The following UNC5D variants were observed in gnomAD, a reference collection of about 807,000 sequenced individuals.
The protein encoded by UNC5D is unc-5 netrin receptor D, also known as netrin receptor UNC5D.
Under a neutral mutation model 105.4 loss-of-function variants are expected in UNC5D, and 39 were observed. The ratio of observed to expected loss-of-function variants is 0.37; its 90% CI spans 0.29 to 0.48. The LOEUF (loss-of-function observed/expected upper bound fraction) is 0.48, where lower values mean the gene tolerates loss of function less well. UNC5D is among the 20% of genes least tolerant of loss of function. The pLI, the probability that UNC5D is intolerant of heterozygous loss-of-function variation, is 0.98. For synonymous variants in UNC5D, 452 were observed against 450.4 expected, an observed-to-expected ratio of 1.00 and a Z score of -0.04; for missense variants, 991 against 1,202.4, an observed-to-expected ratio of 0.82 and a Z score of 2.60.
At chr8:35,397,311 A>C (rs1406681888) in intron 1 of UNC5D, among the ~76,000 whole-genome samples, 1 of 152,198 alleles carries the variant, frequency 6.6e-6, no homozygotes, top group African/African-American at 2.4e-5. Context: ...CACAAGCTGT[A>C]GTGTTTGTAC....
At chr8:35,275,877 C>T (rs561270256) in intron 1 of UNC5D, among the ~76,000 whole-genome samples, 2 of 152,234 alleles carry the variant, frequency 1.3e-5, no homozygotes, top group African/African-American at 4.8e-5. Flanking sequence ...TTTCTCATCA[C>T]ACCAAGACCT....
chr8:35,600,627 C>T (rs1423458614), intron 4 of UNC5D, among the ~76,000 whole-genome samples: 1 of 152,150 alleles, frequency 6.6e-6, no homozygotes, highest in Non-Finnish European at 1.5e-5. Flanking sequence ...ATATCCTTCG[C>T]CCACTTTTTG....
intron 3 of UNC5D, among the ~76,000 whole-genome samples, chr8:35,574,634 T>C (rs1817968727): frequency 6.6e-6 from 1 of 152,182 alleles, no homozygotes; most frequent in Admixed American, 6.5e-5. Flanking sequence ...CTTCATGGCT[T>C]TGACAAATAA....
chr8:35,774,823 A>C (rs1415501686), intron 16 of UNC5D, among the ~76,000 whole-genome samples: 1 of 151,064 alleles, frequency 6.6e-6, no homozygotes, highest in Non-Finnish European at 1.5e-5. Flanking sequence ...GCTGCCTGGG[A>C]GGCTGATGTG....
intron 11 of UNC5D, among the ~76,000 whole-genome samples, chr8:35,731,301 T>C (rs1829178649): frequency 6.9e-6 from 1 of 144,286 alleles, no homozygotes; most frequent in Non-Finnish European, 1.5e-5. Context: ...CTCAGGAGGC[T>C]GAGGCTGGAG....
chr8:35,717,723 A>G (rs966679809), intron 8 of UNC5D, among the ~76,000 whole-genome samples: 2 of 152,222 alleles, frequency 1.3e-5, no homozygotes, highest in Admixed American at 1.3e-4. Context: ...CCCAACTGCT[A>G]TAATAAAAGG....
chr8:35,571,036 GAGAA>G (rs1265791169), intron 3 of UNC5D, among the ~76,000 whole-genome samples: 1 of 151,974 alleles, frequency 6.6e-6, no homozygotes, highest in Non-Finnish European at 1.5e-5. Flanking sequence ...CATAGAGAGA[GAGAA>G]ATGGGGTTTG....
At chr8:35,459,170 A>G (rs752417712) in intron 1 of UNC5D, among the ~76,000 whole-genome samples, 3 of 152,108 alleles carry the variant, frequency 2.0e-5, no homozygotes, top group Non-Finnish European at 2.9e-5. Flanking sequence ...TGGACAGGCT[A>G]ATTGATCTGA....
At chr8:35,470,807 T>TAAATAAAAA (rs1554538819) in intron 1 of UNC5D, among the ~76,000 whole-genome samples, 36 of 130,506 alleles carry the variant, frequency 2.8e-4, no homozygotes, top group African/African-American at 9.2e-4. Flanking sequence ...AATAAATAAA[T>TAAATAAAAA]AAATAAAATA....
intron 8 of UNC5D, among the ~76,000 whole-genome samples, chr8:35,718,742 T>C (rs1828400327): frequency 6.6e-6 from 1 of 152,112 alleles, no homozygotes; most frequent in Non-Finnish European, 1.5e-5. Flanking sequence ...AGGATCACCT[T>C]CATGGGAGAG....
At chr8:35,259,760 T>C (rs1191540567) in intron 1 of UNC5D, among the ~76,000 whole-genome samples, 1 of 151,916 alleles carries the variant, frequency 6.6e-6, no homozygotes. Flanking sequence ...TTTTTTTTTT[T>C]TTAAATGCTG....
At chr8:35,581,831 TA>T (rs1243001257) in intron 3 of UNC5D, among the ~76,000 whole-genome samples, 4 of 152,092 alleles carry the variant, frequency 2.6e-5, no homozygotes, top group Admixed American at 6.6e-5. Context: ...CCTGATTCAG[TA>T]AAGGGACCAC....
intron 4 of UNC5D, among the ~76,000 whole-genome samples, chr8:35,601,608 A>G (rs956124669): frequency 1.3e-5 from 2 of 151,944 alleles, no homozygotes; most frequent in Non-Finnish European, 2.9e-5. Flanking sequence ...TTTGTCTGTT[A>G]TTGGTGTATA....
At chr8:35,399,881 A>G (rs1804342873) in intron 1 of UNC5D, among the ~76,000 whole-genome samples, 1 of 152,150 alleles carries the variant, frequency 6.6e-6, no homozygotes, top group African/African-American at 2.4e-5. Flanking sequence ...ATTTGACACA[A>G]TGGGACCTGA....
At chr8:35,721,816 T>C (rs1828597461) in intron 8 of UNC5D, among the ~76,000 whole-genome samples, 1 of 152,206 alleles carries the variant, frequency 6.6e-6, no homozygotes, top group Admixed American at 6.5e-5. Flanking sequence ...AGATCACCCA[T>C]ATTTTATCAC....
intron 4 of UNC5D, among the ~76,000 whole-genome samples, chr8:35,657,702 T>C (rs1823862381): frequency 2.0e-5 from 3 of 152,162 alleles, no homozygotes; most frequent in South Asian, 4.1e-4. Flanking sequence ...CACAACCTGG[T>C]CTCAAACTTA....
chr8:35,625,176 G>A (rs182672894), intron 4 of UNC5D, among the ~76,000 whole-genome samples: 213 of 152,094 alleles, frequency 1.4e-3, no homozygotes, highest in Non-Finnish European at 2.3e-3. Context: ...CTTGATTTTT[G>A]AGTGTTCTGC....
In UNC5D at chr8:35,326,772, GA is replaced by G. The variant is rs1301487823; in HGVS notation, c.103+90896del. ...CTCTTTCTCTAAATAAAAAGTGAAG[GA>G]AAAAAAAAAAGGCTCATATAAGGCA... On this transcript the variant is annotated intron_variant, in intron 1 of 16. Coordinates refer to ENST00000404895, the MANE Select transcript of UNC5D (RefSeq NM_080872.4). Among the ~76,000 whole-genome samples, 1,259 of 139,222 alleles carry G rather than the reference GA, an allele frequency of 9.0e-3. 16 individuals carry two copies. The highest frequency in any genetic ancestry group is 0.029 in the African/African-American group (1,095 of 38,162). 91.3% of individuals were successfully genotyped at this position (139,222 alleles called of 152,430 possible).
At chr8:35,237,523 T>C (rs1283730679) in intron 1 of UNC5D, among the ~76,000 whole-genome samples, 1 of 152,150 alleles carries the variant, frequency 6.6e-6, no homozygotes, top group Admixed American at 6.5e-5. Flanking sequence ...GACGTTGTCT[T>C]GAAGCCAGCT....
Sources: gnomAD v4.1 joint callset for allele counts (sites outside exome capture counted in the v4.1 genomes callset) on GRCh38, gnomAD v4.1.1 for gene constraint, MANE v1.5 for transcripts, NCBI Gene and HGNC (gene_info 2026-07-23, HGNC 2026-07-21) for gene names.